The following ADCY9 variants were observed in gnomAD, a reference collection of about 807,000 sequenced individuals.
ADCY9 encodes the protein adenylate cyclase 9.
Under a neutral mutation model 101.5 loss-of-function variants are expected in ADCY9, and 50 were observed. The ratio of observed to expected loss-of-function variants is 0.49; its 90% CI spans 0.39 to 0.62. ADCY9 has a LOEUF of 0.62. Among genes scored for constraint, ADCY9 ranks in the 20% least tolerant of loss-of-function variants. The probability of loss-of-function intolerance (pLI) is 0.00; values close to 1 mark genes in which losing one functional copy is unlikely to be tolerated. For missense variants in ADCY9, 1,662 were observed against 1,800.4 expected, an observed-to-expected ratio of 0.92 and a Z score of 1.39; for synonymous variants, 905 against 769.3, an observed-to-expected ratio of 1.18 and a Z score of -2.92.
At chr16:4,042,221 C>T (rs867098579) in intron 2 of ADCY9, among the ~76,000 whole-genome samples, 4 of 152,096 alleles carry the variant, frequency 2.6e-5, no homozygotes, top group Admixed American at 1.3e-4. Flanking sequence ...CGGCGCCCAG[C>T]TGACTCAGCT....
chr16:3,959,359 T>C (rs1479239348), downstream of ADCY9, among the ~76,000 whole-genome samples: 1 of 75,882 alleles, frequency 1.3e-5, no homozygotes, highest in African/African-American at 4.3e-5. Context: ...GAGACTCTTA[T>C]CTCAAAAAAA....
intron 2 of ADCY9, among the ~76,000 whole-genome samples, chr16:4,102,100 C>G (rs2057046922): frequency 6.6e-6 from 1 of 152,166 alleles, no homozygotes; most frequent in Admixed American, 6.6e-5. Context: ...AAGAAACACC[C>G]TTTAGTGCAA....
intron 2 of ADCY9, among the ~76,000 whole-genome samples, chr16:4,100,165 C>G (rs1245524448): frequency 6.6e-6 from 1 of 151,796 alleles, no homozygotes; most frequent in Non-Finnish European, 1.5e-5. Context: ...CCTTCGCATG[C>G]TCTCTCTCTC....
At chr16:3,993,636 G>T in intron 3 of ADCY9, 126 bp from the exon 4 acceptor site, 1 of 1,180,358 alleles carries the variant, frequency 8.5e-7, no homozygotes, top group Non-Finnish European at 1.2e-6. Flanking sequence ...AAGGCACACA[G>T]AACCGCTCGG....
intron 2 of ADCY9, among the ~76,000 whole-genome samples, chr16:4,028,272 G>A (rs151012300): frequency 1.3e-3 from 191 of 152,216 alleles, no homozygotes; most frequent in African/African-American, 4.1e-3. Context: ...CTCTACTCAC[G>A]AGAAATGGAA....
rs192156456 is a variant in ADCY9 at position 4,104,697 on chromosome 16, T to C, written c.1693+9053A>G. On this transcript the variant is annotated intron_variant, in intron 2 of 10. Coordinates refer to ENST00000294016, the MANE Select transcript of ADCY9 (RefSeq NM_001116.4). Reference sequence around the variant, plus strand: ...TATCCAGAATCACATAAAAAGGCTATGAAAATGCTCTTCCAACTAAAGCCA... The same window carrying C: ...TATCCAGAATCACATAAAAAGGCTACGAAAATGCTCTTCCAACTAAAGCCA... 3.3e-5 allele frequency among the ~76,000 whole-genome samples: 5 copies of C among 152,286 alleles called. No individual in the cohort carries two copies. In the East Asian group the frequency reaches 7.7e-4, roughly 23 times the overall value.
In ADCY9 at chr16:4,006,537, T is replaced by C. The variant is rs528044177; in HGVS notation, c.1884+831A>G. Among the ~76,000 whole-genome samples, 44 of 152,244 alleles carry C rather than the reference T, an allele frequency of 2.9e-4. No homozygotes were observed. In the South Asian group the frequency reaches 8.9e-3, roughly 31 times the overall value. On this transcript the variant is annotated intron_variant, in intron 3 of 10. Coordinates refer to ENST00000294016, the MANE Select transcript of ADCY9 (RefSeq NM_001116.4). ...ATGAATGTGGAGAGGCAGGGACGTA[T>C]TGGGTGAAGCTGTAACCACTGGCCG...
At chr16:4,055,955 G>T (rs1202999955) in intron 2 of ADCY9, among the ~76,000 whole-genome samples, 2 of 152,160 alleles carry the variant, frequency 1.3e-5, no homozygotes, top group Non-Finnish European at 2.9e-5. Context: ...ACAAGTACAA[G>T]CGCTGCAACG....
Position 3,992,025 on chromosome 16 carries a change from C to A in ADCY9, c.2207+121G>T. 1.1e-6 allele frequency: 1 copy of A among 920,366 alleles called. No individual in the cohort carries two copies. The highest frequency in any genetic ancestry group is 2.6e-5 in the East Asian group (1 of 38,028). The allele number at this position is 920,366 out of a possible 1,614,324, so 57.0% of individuals were successfully genotyped here. Reference sequence around the variant, plus strand: ...GATAGAGGCTGCAGTGAGCCAAGATCGCGCCACTGCACTGCAGCCTGGATG... The same window carrying A: ...GATAGAGGCTGCAGTGAGCCAAGATAGCGCCACTGCACTGCAGCCTGGATG... On this transcript the variant is annotated intron_variant, in intron 5 of 10. Transcript: ENST00000294016. This position sits in a 1 kb window ranked among gnomAD's most constrained non-coding sequence, Gnocchi z 4.2.
chr16:3,957,007 C>T (rs1018121334), intron 5 of ADCY9, among the ~76,000 whole-genome samples: 4 of 152,034 alleles, frequency 2.6e-5, no homozygotes, highest in South Asian at 4.1e-4. Context: ...ATGAAAAGAG[C>T]GACGGAGGGA....
chr16:4,023,936 A>G (rs1480573229), intron 2 of ADCY9, among the ~76,000 whole-genome samples: 1 of 152,142 alleles, frequency 6.6e-6, no homozygotes, highest in African/African-American at 2.4e-5. Context: ...TCTGACTTAC[A>G]TGCTAGGCAC....
Position 3,983,245 on chromosome 16 carries a change from C to G in ADCY9, c.2506G>C (p.Ala836Pro), listed in dbSNP as rs1181701464. 2 of 1,550,768 alleles carry G rather than the reference C, an allele frequency of 1.3e-6. No individual in the cohort carries two copies. Among genetic ancestry groups the G allele is most frequent in the Non-Finnish European group, 1.7e-6 (2 of 1,146,938 alleles). Residue 836 changes from alanine to proline, a missense_variant, in exon 7 of 11, where the codon GCG (alanine) becomes CCG (proline). Coordinates refer to ENST00000294016, the MANE Select transcript of ADCY9 (RefSeq NM_001116.4). ...CGCGGCGCTTACCTGATGGACACCGCGAGGGACAGCACCTCCAGCAGCAGG... is the reference window on the plus strand; with the variant it reads ...CGCGGCGCTTACCTGATGGACACCGGGAGGGACAGCACCTCCAGCAGCAGG... ...AALLLEVLSL[A>P]VSIRMVFFLE...
chr16:4,052,671 A>C (rs1206689746), intron 2 of ADCY9, among the ~76,000 whole-genome samples: 2 of 152,194 alleles, frequency 1.3e-5, no homozygotes, highest in East Asian at 3.8e-4. Flanking sequence ...TCTTTGAATC[A>C]CTAGATATCA....
intron 2 of ADCY9, among the ~76,000 whole-genome samples, chr16:4,056,018 C>G (rs1359299078): frequency 6.6e-6 from 1 of 152,134 alleles, no homozygotes; most frequent in Non-Finnish European, 1.5e-5. Flanking sequence ...TTCCTTAGCT[C>G]CCATAGACAG....
At chr16:4,060,314 G>A (rs890964739) in intron 2 of ADCY9, among the ~76,000 whole-genome samples, 2 of 152,166 alleles carry the variant, frequency 1.3e-5, no homozygotes, top group Non-Finnish European at 2.9e-5. Flanking sequence ...TCGTGCTCTG[G>A]AAGGCTGCAC....
chr16:4,041,918 A>ATTT (rs2056629741), intron 2 of ADCY9, among the ~76,000 whole-genome samples: 1 of 81,000 alleles, frequency 1.2e-5, no homozygotes, highest in African/African-American at 4.7e-5. Flanking sequence ...CCCCCAGCTA[A>ATTT]GTTTTTTTTT....
intron 2 of ADCY9, among the ~76,000 whole-genome samples, chr16:4,094,109 T>C (rs2056988964): frequency 6.6e-6 from 1 of 152,180 alleles, no homozygotes; most frequent in South Asian, 2.1e-4. Context: ...ACAGCGTTAA[T>C]TATGTTAATC....
intron 6 of ADCY9, among the ~76,000 whole-genome samples, chr16:3,986,529 C>T (rs1172680344): frequency 6.6e-6 from 1 of 152,222 alleles, no homozygotes; most frequent in Non-Finnish European, 1.5e-5. Context: ...ATGGTCTCGG[C>T]TCACTGCAAC....
intron 2 of ADCY9, among the ~76,000 whole-genome samples, chr16:4,012,395 C>T (rs374604960): frequency 3.4e-5 from 5 of 148,738 alleles, no homozygotes; most frequent in Non-Finnish European, 7.4e-5. Context: ...ACTCTGCAGG[C>T]GACATGATTT....
Sources: gnomAD v4.1 joint callset for allele counts (sites outside exome capture counted in the v4.1 genomes callset) on GRCh38, gnomAD v4.1.1 for gene constraint, Gnocchi (gnomAD v3.1) non-coding constraint, MANE v1.5 for transcripts, NCBI Gene and HGNC (gene_info 2026-07-23, HGNC 2026-07-21) for gene names.